The following GRIK5 variants were observed in gnomAD, a reference collection of about 807,000 sequenced individuals.
GRIK5 encodes the protein glutamate receptor ionotropic, kainate 5.
GRIK5 carries 43 observed loss-of-function variants against 97.4 expected under a neutral mutation model. The ratio of observed to expected loss-of-function variants is 0.44; its 90% confidence interval spans 0.35 to 0.57. The LOEUF (loss-of-function observed/expected upper bound fraction) is 0.57, where lower values mean the gene tolerates loss of function less well. GRIK5 is among the 20% of genes least tolerant of loss of function. GRIK5 has a pLI of 0.01. For missense variants in GRIK5, 1,015 were observed against 1,382.0 expected (o/e 0.73, Z 4.21); for synonymous variants, 580 against 583.5 (o/e 0.99, Z 0.09).
chr19:42,003,778 G>A lies in GRIK5; in HGVS notation c.2264-95C>T, dbSNP rs1260653145. ...TGTGCCCTCACCACGGCCTTCCCCCGCCTCTACCACGTGCCCAGGGTCTTC... is the reference window on the plus strand; with the variant it reads ...TGTGCCCTCACCACGGCCTTCCCCCACCTCTACCACGTGCCCAGGGTCTTC... On this transcript the variant is annotated intron_variant, in intron 17 of 19. Transcript: ENST00000593562. The surrounding 1 kb of genome is among the most constrained non-coding windows in gnomAD (Gnocchi z 4.2). 1.5e-5 allele frequency: 21 copies of A among 1,360,854 alleles called. No individual in the cohort carries two copies. Among genetic ancestry groups the A allele is most frequent in the East Asian group, 7.5e-5 (3 of 40,120 alleles). The allele number at this position is 1,360,854 out of a possible 1,614,324, so 84.3% of individuals were successfully genotyped here.
chr19:42,069,203 C>G (rs1236599851), intron 1 of GRIK5, 38 bp downstream of exon 1: 3 of 351,292 alleles, frequency 8.5e-6, no homozygotes, highest in Non-Finnish European at 1.5e-5. Flanking sequence ...CTTCCAGGAC[C>G]CAGAACCCAG....
intron 11 of GRIK5, among the ~76,000 whole-genome samples, chr19:42,051,690 A>G (rs1022546373): frequency 6.6e-6 from 1 of 152,184 alleles, no homozygotes. Context: ...TCACATCTGA[A>G]TCTCCAAGTG....
At chr19:42,064,817 GC>G (rs2146185408) in intron 3 of GRIK5, among the ~76,000 whole-genome samples, 1 of 152,208 alleles carries the variant, frequency 6.6e-6, no homozygotes, top group Non-Finnish European at 1.5e-5. Context: ...TTGGAGCCAC[GC>G]CACTCTTTCT....
rs1048823330 is a variant in GRIK5 at position 42,042,803 on chromosome 19, C to G, written c.1270-48G>C. 2.0e-6 allele frequency: 3 copies of G among 1,500,840 alleles called. No individual in the cohort carries two copies. Among genetic ancestry groups the G allele is most frequent in the African/African-American group, 1.4e-5 (1 of 72,900 alleles). The allele number at this position is 1,500,840 out of a possible 1,614,324, so 93.0% of individuals were successfully genotyped here. A position where few individuals can be genotyped will look rare whatever the true frequency, so the allele number is the denominator to read the frequency against. On this transcript the variant is annotated intron_variant, in intron 11 of 19. Transcript: ENST00000593562. The surrounding 1 kb of genome is among the most constrained non-coding windows in gnomAD (Gnocchi z 6.9). ...GGGTCAGAGGCTGGGTGTCTAGTGG[C>G]TGGGTTGCGGATCCTGGAGCCCGGA...
At chr19:42,033,219 G>A (rs947193025) in intron 12 of GRIK5, among the ~76,000 whole-genome samples, 2 of 151,120 alleles carry the variant, frequency 1.3e-5, no homozygotes, top group African/African-American at 4.9e-5. Flanking sequence ...TCAGGAGGCT[G>A]AGGCAGGAGA....
intron 12 of GRIK5, among the ~76,000 whole-genome samples, chr19:42,036,448 A>T (rs966442863): frequency 1.3e-5 from 2 of 151,830 alleles, no homozygotes; most frequent in Admixed American, 1.3e-4. Flanking sequence ...AACCTCCCAG[A>T]CTCAGGTGAT....
At position 42,021,853 on chromosome 19, in the gene GRIK5, A is replaced by C. The variant is rs1018065393; in HGVS notation, c.1697+94T>G. 2.3e-5 allele frequency: 18 copies of C among 771,460 alleles called. No homozygotes were observed. In the African/African-American group the frequency reaches 3.0e-4, roughly 13 times the overall value. 47.8% of individuals were successfully genotyped at this position (771,460 alleles called of 1,614,324 possible). On this transcript the variant is annotated intron_variant, in intron 14 of 19. Coordinates refer to ENST00000593562, the MANE Select transcript of GRIK5 (RefSeq NM_002088.5). The surrounding 1 kb of genome is among the most constrained non-coding windows in gnomAD (Gnocchi z 4.2). ...ATCCGAGGCCCCAAAGGGGAGGCCA[A>C]GGACAGTTCCGAGAGAGAAGAGGCA...
chr19:42,054,025 C>T, intron 9 of GRIK5, 96 bp from the exon 10 acceptor site: 1 of 811,324 alleles, frequency 1.2e-6, no homozygotes, highest in Admixed American at 2.1e-5. Flanking sequence ...GAGAAAGGCA[C>T]AGACAGACCG....
chr19:42,042,502 C>G lies in GRIK5; in HGVS notation c.1473+50G>C. 1 of 1,507,806 alleles carries G rather than the reference C, an allele frequency of 6.6e-7. No homozygotes were observed. The highest frequency in any genetic ancestry group is 9.1e-7 in the Non-Finnish European group (1 of 1,103,964). The allele number at this position is 1,507,806 out of a possible 1,614,324, so 93.4% of individuals were successfully genotyped here. On this transcript the variant is annotated intron_variant, in intron 12 of 19. Transcript: ENST00000593562. This position sits in a 1 kb window ranked among gnomAD's most constrained non-coding sequence, Gnocchi z 6.9. ...GACTGGCTGCCCAGCTGCCCGCCCT[C>G]CCTCACTCGCCGGGTCCATGCATCT...
intron 15 of GRIK5, among the ~76,000 whole-genome samples, chr19:42,019,369 C>T (rs903089423): frequency 3.3e-5 from 5 of 152,174 alleles, no homozygotes; most frequent in South Asian, 2.1e-4. Context: ...CTCTGACTGC[C>T]CCCATGCTCT....
At chr19:42,001,427 C>A (rs143655738) in intron 19 of GRIK5, among the ~76,000 whole-genome samples, 206 of 152,300 alleles carry the variant, frequency 1.4e-3, no homozygotes, top group Non-Finnish European at 2.4e-3. Context: ...CAGGGTTTCA[C>A]CATGTTGGCC....
At chr19:42,059,005 C>A (rs1320273007) in intron 6 of GRIK5, among the ~76,000 whole-genome samples, 1 of 152,108 alleles carries the variant, frequency 6.6e-6, no homozygotes, top group Non-Finnish European at 1.5e-5. Flanking sequence ...CCCCATCACT[C>A]GCTCTCTGGG....
chr19:42,063,892 T>C (rs1332423698), intron 3 of GRIK5, among the ~76,000 whole-genome samples: 1 of 152,216 alleles, frequency 6.6e-6, no homozygotes, highest in Non-Finnish European at 1.5e-5. Context: ...GAGTTTGGTT[T>C]CTGCCACCTC....
intron 8 of GRIK5, among the ~76,000 whole-genome samples, chr19:42,055,119 G>A (rs906197607): frequency 6.6e-6 from 1 of 152,202 alleles, no homozygotes; most frequent in Non-Finnish European, 1.5e-5. Context: ...CGCCTGTAAA[G>A]CACTCAGAAC....
chr19:42,022,112 G>T lies in GRIK5; in HGVS notation c.1588-56C>A. ...ACCCCTGGCCTGAGCCTCACACCCA[G>T]CCCCTGCCCTACCAGGGACCTGGGA... On this transcript the variant is annotated intron_variant, in intron 13 of 19. Coordinates refer to ENST00000593562, the MANE Select transcript of GRIK5 (RefSeq NM_002088.5). This position sits in a 1 kb window ranked among gnomAD's most constrained non-coding sequence, Gnocchi z 4.2. 2 of 1,437,574 alleles carry T rather than the reference G, an allele frequency of 1.4e-6. No individual in the cohort carries two copies. The highest frequency in any genetic ancestry group is 1.9e-6 in the Non-Finnish European group (2 of 1,030,958). The allele number at this position is 1,437,574 out of a possible 1,614,324, so 89.1% of individuals were successfully genotyped here. A position where few individuals can be genotyped will look rare whatever the true frequency, so the allele number is the denominator to read the frequency against.
At chr19:42,020,629 G>T (rs1030495987) in intron 15 of GRIK5, among the ~76,000 whole-genome samples, 13 of 152,296 alleles carry the variant, frequency 8.5e-5, no homozygotes, top group Admixed American at 2.6e-4. Context: ...AAAAGGGGTT[G>T]CAGTAAAGAA....
rs537283397 is a variant in GRIK5, at chr19:42,006,669, G to A, written c.2013C>T (p.Ala671=). The change falls in exon 16 of 20, where the codon GCC becomes GCT. Residue 671 remains alanine (A), a synonymous_variant. Transcript: ENST00000593562. The surrounding 1 kb of genome is among the most constrained non-coding windows in gnomAD (Gnocchi z 5.3). ...CCTGGAAGAAGGTCATGGTGGAGCC[G>A]GCGTGGATGGTGCCATACTCGATGT... The part of the protein sequence containing the change: ...QTNIEYGTIH[A]GSTMTFFQNS... 81 of 1,613,934 alleles carry A rather than the reference G, an allele frequency of 5.0e-5. No individual in the cohort carries two copies. Among genetic ancestry groups the A allele is most frequent in the East Asian group, 2.5e-4 (11 of 44,872 alleles).
Position 42,006,610 on chromosome 19 carries a change from C to A in GRIK5, c.2037+35G>T. The A allele has an allele frequency of 6.2e-7, 1 of 1,602,374 alleles. No individual in the cohort carries two copies. The stretch of plus-strand genomic sequence containing the variant: ...TGAGCTGCTTTGCATGGCAGGGATC[C>A]CAACACCACGCCTGAGAGGTTCTGG... On this transcript the variant is annotated intron_variant, in intron 16 of 19. Coordinates refer to ENST00000593562, the MANE Select transcript of GRIK5 (RefSeq NM_002088.5). The surrounding 1 kb of genome is among the most constrained non-coding windows in gnomAD (Gnocchi z 5.3).
At chr19:42,000,611 G>C (rs1409250807) in intron 19 of GRIK5, among the ~76,000 whole-genome samples, 1 of 152,160 alleles carries the variant, frequency 6.6e-6, no homozygotes, top group African/African-American at 2.4e-5. Flanking sequence ...CTTGGCTTCA[G>C]GGGAGACACA....
Sources: allele counts gnomAD v4.1 joint callset (sites outside exome capture counted in the v4.1 genomes callset), GRCh38; gene constraint gnomAD v4.1.1; non-coding constraint Gnocchi (gnomAD v3.1); transcripts MANE v1.5; gene names NCBI Gene and HGNC (gene_info 2026-07-23, HGNC 2026-07-21).